ID4: variants seen among roughly 807,000 people sequenced by gnomAD.
ID4 encodes DNA-binding protein inhibitor ID-4.
Under a neutral mutation model 8.6 loss-of-function variants are expected in ID4, and 9 were observed. The observed-to-expected ratio is 1.04, with a 90% CI of 0.63 to 1.82. The LOEUF (loss-of-function observed/expected upper bound fraction) is 1.82, where lower values mean the gene tolerates loss of function less well. Among genes scored for constraint, ID4 ranks in the 40% most tolerant of loss-of-function variants. ID4 has a pLI of 0.00. For synonymous variants in ID4, 180 were observed against 118.0 expected, an observed-to-expected ratio of 1.53 and a Z score of -3.41; for missense variants, 270 against 235.1, an observed-to-expected ratio of 1.15 and a Z score of -0.97.
Position 19,838,112 on chromosome 6 carries a change from C to G in ID4, c.358C>G (p.Pro120Ala), listed in dbSNP as rs748478291. The change falls in exon 1 of 3, where the codon CCG (proline) becomes GCG (alanine). Residue 120 changes from proline (P) to alanine (A), a missense_variant. Transcript: ENST00000378700. ...CCCGGCCCTGCTGAGGCAGCCACCACCGCCCGCGCCGCCACACCACCCGGC... is the reference window on the plus strand; with the variant it reads ...CCCGGCCCTGCTGAGGCAGCCACCAGCGCCCGCGCCGCCACACCACCCGGC... ...THPALLRQPP[P>A]PAPPHHPAGT... The G allele has an allele frequency of 6.3e-7, 1 of 1,586,702 alleles. No homozygotes were observed. The highest frequency in any genetic ancestry group is 8.6e-7 in the Non-Finnish European group (1 of 1,167,910).
rs1417783490 is a variant in ID4, at chr6:19,841,247, GGTTT to G, written c.*2053_*2056del. On this transcript the variant is annotated 3_prime_UTR_variant, in exon 3 of 3. Transcript: ENST00000378700. ...GTCAAAGAACTGCTTGTTTAGATGA[GGTTT>G]ATTTTTATTTTTGATATTATTCATT... Among the ~76,000 whole-genome samples, 1 of 152,086 alleles carries G rather than the reference GGTTT, an allele frequency of 6.6e-6. No individual in the cohort carries two copies. The highest frequency in any genetic ancestry group is 2.4e-5 in the African/African-American group (1 of 41,410).
At chr6:19,838,300 C>T in intron 1 of ID4, 105 bp downstream of exon 1, 1 of 1,100,074 alleles carries the variant, frequency 9.1e-7, no homozygotes, top group Non-Finnish European at 1.2e-6. Context: ...AGGGGCGGGC[C>T]AGGAATGACA....
chr6:19,838,469 G>C (rs1326808204), intron 1 of ID4, 115 bp from the exon 2 acceptor site: 2 of 1,417,394 alleles, frequency 1.4e-6, no homozygotes, highest in Admixed American at 1.8e-5. Context: ...CCCGGCTACA[G>C]GCTGGGGTGG....
chr6:19,838,564 G>GTGTTCGGTTGC lies in ID4; in HGVS notation c.442-14_442-4dup, dbSNP rs1161715060. The stretch of plus-strand genomic sequence containing the variant: ...TTTGCGCCTGCTAACCTTTCCCTTG[G>GTGTTCGGTTGC]TGTTCGGTTGCTGTTCCAGGCCGGC... On this transcript the variant is annotated intron_variant, in intron 1 of 2. Transcript: ENST00000378700. 10 of 1,613,864 alleles carry GTGTTCGGTTGC rather than the reference G, an allele frequency of 6.2e-6. No individual in the cohort carries two copies. Among genetic ancestry groups the GTGTTCGGTTGC allele is most frequent in the Non-Finnish European group, 8.5e-6 (10 of 1,179,886 alleles).
rs141801413 is a variant in ID4 at position 19,837,972 on chromosome 6, G to C, written c.218G>C (p.Ser73Thr). 5.0e-6 allele frequency: 8 copies of C among 1,585,212 alleles called. No individual in the cohort carries two copies. Among genetic ancestry groups the C allele is most frequent in the Admixed American group, 1.8e-5 (1 of 56,452 alleles). The change falls in exon 1 of 3, where the codon AGC becomes ACC. Residue 73 changes from serine to threonine, a missense_variant. This residue lies in a region of ID4 where 160 missense variants were observed against 131.5 expected (regional missense o/e 1.22). Coordinates refer to ENST00000378700, the MANE Select transcript of ID4 (RefSeq NM_001546.4). ...CAGTGCGATATGAACGACTGCTATAGCCGCCTGCGGAGGCTGGTGCCCACC... is the reference window on the plus strand; with the variant it reads ...CAGTGCGATATGAACGACTGCTATACCCGCCTGCGGAGGCTGGTGCCCACC... ...CLQCDMNDCY[S>T]RLRRLVPTIP...
Position 19,837,854 on chromosome 6 carries a change from A to G in ID4, c.100A>G (p.Ser34Gly), listed in dbSNP as rs1349684726. Residue 34 changes from serine (S) to glycine (G), a missense_variant, in exon 1 of 3, where the codon AGC becomes GGC. Ser to Gly is a moderately conservative substitution (Grantham distance 56, BLOSUM62 0). Around this residue, in one of 3 missense-constraint regions of ID4, gnomAD observed 160 missense variants for 131.5 expected, o/e 1.22. Transcript: ENST00000378700. ...ALRCLAEHGH[S>G]LGGSAAAAAA... Reference sequence around the variant, plus strand: ...GCGCTGCCTGGCCGAGCACGGCCACAGCCTGGGTGGCTCCGCAGCCGCGGC... The same window carrying G: ...GCGCTGCCTGGCCGAGCACGGCCACGGCCTGGGTGGCTCCGCAGCCGCGGC... 1 of 1,223,010 alleles carries G rather than the reference A, an allele frequency of 8.2e-7. No homozygotes were observed. The highest frequency in any genetic ancestry group is 3.7e-5 in the East Asian group (1 of 26,928). The allele number at this position is 1,223,010 out of a possible 1,614,324, so 75.8% of individuals were successfully genotyped here. A position where few individuals can be genotyped will look rare whatever the true frequency, so the allele number is the denominator to read the frequency against.
At position 19,838,654 on chromosome 6, in the gene ID4, TTTCCCGTCTCGGGTG is replaced by T; in HGVS notation, c.*14+13_*14+27del. ...GCCGCGCTGTCCAGGTGAGCGCGCA[TTTCCCGTCTCGGGTG>T]GCCGGTCACCAGAGACGCCCGTCCC... On this transcript the variant is annotated intron_variant, in intron 2 of 2. Coordinates refer to ENST00000378700, the MANE Select transcript of ID4 (RefSeq NM_001546.4). The T allele has an allele frequency of 6.2e-7, 1 of 1,612,690 alleles. No individual in the cohort carries two copies. Among genetic ancestry groups the T allele is most frequent in the Non-Finnish European group, 8.5e-7 (1 of 1,179,104 alleles).
Position 19,838,464 on chromosome 6 carries a change from C to CTA in ID4, c.442-119_442-118dup, listed in dbSNP as rs1761279193. 6 of 1,378,996 alleles carry CTA rather than the reference C, an allele frequency of 4.4e-6. No homozygotes were observed. In the Admixed American group the frequency reaches 5.6e-5, roughly 13 times the overall value. The allele number at this position is 1,378,996 out of a possible 1,614,324, so 85.4% of individuals were successfully genotyped here. Reference sequence around the variant, plus strand: ...CCTGAGCCCGGAGGGGCCCCCCCGGCTACAGGCTGGGGTGGGGGCGTCGGC... The same window carrying CTA: ...CCTGAGCCCGGAGGGGCCCCCCCGGCTATACAGGCTGGGGTGGGGGCGTCGGC... On this transcript the variant is annotated intron_variant, in intron 1 of 2. Coordinates refer to ENST00000378700, the MANE Select transcript of ID4 (RefSeq NM_001546.4).
rs1158799626 is a variant in ID4 at position 19,837,673 on chromosome 6, G to A, written c.-82G>A. 11 of 985,136 alleles carry A rather than the reference G, an allele frequency of 1.1e-5. No individual in the cohort carries two copies. In the African/African-American group the frequency reaches 1.4e-4, roughly 13 times the overall value. The allele number at this position is 985,136 out of a possible 1,614,324, so 61.0% of individuals were successfully genotyped here. On this transcript the variant is annotated 5_prime_UTR_variant, in exon 1 of 3. Coordinates refer to ENST00000378700, the MANE Select transcript of ID4 (RefSeq NM_001546.4). The stretch of plus-strand genomic sequence containing the variant: ...GCGCGGAGGCAAAGGGAGCGGAGCC[G>A]GCCGCGGACGGGGCCCGGAGCTTGC...
rs564941466 is a variant in ID4, at chr6:19,839,248, AGGGAGG to A, written c.*58_*63del. On this transcript the variant is annotated 3_prime_UTR_variant, in exon 3 of 3. Transcript: ENST00000378700. ...TGAGCCCGAGCCAGGAGCACTAGAGAGGGAGGGGGAAGAGCAGAAGTTAGAGAAAAA... is the reference window on the plus strand; with the variant it reads ...TGAGCCCGAGCCAGGAGCACTAGAGAGGGAAGAGCAGAAGTTAGAGAAAAA... 5.4e-4 allele frequency: 82 copies of A among 152,264 alleles called. No homozygotes were observed. Among genetic ancestry groups the A allele is most frequent in the Non-Finnish European group, 4.3e-4 (29 of 68,066 alleles). The allele number at this position is 152,264 out of a possible 1,614,324, so 9.4% of individuals were successfully genotyped here.
At chr6:19,838,783 C>G in intron 2 of ID4, 141 bp downstream of exon 2, 3 of 670,822 alleles carry the variant, frequency 4.5e-6, no homozygotes, top group Non-Finnish European at 7.7e-6. Flanking sequence ...CCCTCTCTCC[C>G]TGCCACCTAA....
intron 1 of ID4, 123 bp from the exon 2 acceptor site, chr6:19,838,461 C>T (rs1048376307): frequency 1.2e-5 from 16 of 1,353,820 alleles, no homozygotes; most frequent in Middle Eastern, 1.8e-4. Flanking sequence ...GGGGCCCCCC[C>T]GGCTACAGGC....
rs1002166679 is a variant in ID4, at chr6:19,839,947, CTT to C, written c.*755_*756del. 1.3e-5 allele frequency: 2 copies of C among 151,876 alleles called. No homozygotes were observed. The highest frequency in any genetic ancestry group is 6.6e-5 in the Admixed American group (1 of 15,246). 9.4% of individuals were successfully genotyped at this position (151,876 alleles called of 1,614,324 possible). A position where few individuals can be genotyped will look rare whatever the true frequency, so the allele number is the denominator to read the frequency against. On this transcript the variant is annotated 3_prime_UTR_variant, in exon 3 of 3. Coordinates refer to ENST00000378700, the MANE Select transcript of ID4 (RefSeq NM_001546.4). ...TCTGTTTGGCCTGGCTCTTAATTTG[CTT>C]TTGTTTTGCCCAGTATAGACTCGGA...
At chr6:19,838,424 G>A in intron 1 of ID4, 160 bp from the exon 2 acceptor site, 8 of 536,262 alleles carry the variant, frequency 1.5e-5, no homozygotes, top group East Asian at 1.5e-4. Context: ...GGGCGCCCTG[G>A]GCTGTCAAGT....
rs1402361313 is a variant in ID4 at position 19,840,303 on chromosome 6, T to C, written c.*1108T>C. Reference sequence around the variant, plus strand: ...AAAGTGAAAAAAAATTGCTTATTACTCTTCATTTTACACTAAAGCTTAATG... The same window carrying C: ...AAAGTGAAAAAAAATTGCTTATTACCCTTCATTTTACACTAAAGCTTAATG... On this transcript the variant is annotated 3_prime_UTR_variant, in exon 3 of 3. Coordinates refer to ENST00000378700, the MANE Select transcript of ID4 (RefSeq NM_001546.4). 1 of 152,606 alleles carries C rather than the reference T, an allele frequency of 6.6e-6. No individual in the cohort carries two copies. The highest frequency in any genetic ancestry group is 1.5e-5 in the Non-Finnish European group (1 of 68,004). The allele number at this position is 152,606 out of a possible 1,614,324, so 9.5% of individuals were successfully genotyped here. A position where few individuals can be genotyped will look rare whatever the true frequency, so the allele number is the denominator to read the frequency against.
rs940555036 is a variant in ID4 at position 19,839,633 on chromosome 6, A to G, written c.*438A>G. The stretch of plus-strand genomic sequence containing the variant: ...TTGTAGATATTTTTTTTTTACATCT[A>G]TTGTTTAAAATAGATGATTATAACG... On this transcript the variant is annotated 3_prime_UTR_variant, in exon 3 of 3. Transcript: ENST00000378700. 1 of 152,386 alleles carries G rather than the reference A, an allele frequency of 6.6e-6. No individual in the cohort carries two copies. The highest frequency in any genetic ancestry group is 2.1e-4 in the South Asian group (1 of 4,820). The allele number at this position is 152,386 out of a possible 1,614,324, so 9.4% of individuals were successfully genotyped here. A position where few individuals can be genotyped will look rare whatever the true frequency, so the allele number is the denominator to read the frequency against.
At chr6:19,838,522 C>T (rs72552346) in intron 1 of ID4, 62 bp from the exon 2 acceptor site, 68 of 1,603,964 alleles carry the variant, frequency 4.2e-5, no homozygotes, top group Non-Finnish European at 5.5e-5. Flanking sequence ...CAATCCAGGA[C>T]CGTGTCGAGC....
chr6:19,838,773 C>G (rs374437301), intron 2 of ID4, 131 bp downstream of exon 2: 6 of 702,282 alleles, frequency 8.5e-6, no homozygotes, highest in East Asian at 2.7e-5. Context: ...GAAGTAAATC[C>G]CCTCTCTCCC....
In ID4 at chr6:19,837,453, G is replaced by C. The variant is rs953670955; in HGVS notation, c.-302G>C. 1.3e-4 allele frequency: 21 copies of C among 158,080 alleles called. No individual in the cohort carries two copies. The East Asian group carries it at 2.4e-3, about 18-fold the overall frequency. The allele number at this position is 158,080 out of a possible 1,614,324, so 9.8% of individuals were successfully genotyped here. A position where few individuals can be genotyped will look rare whatever the true frequency, so the allele number is the denominator to read the frequency against. ...CTAGGGGAGCGCGGCGGCCGCGATC[G>C]GGCTTAGTCGGAGCTCCGAAGGGAG... On this transcript the variant is annotated 5_prime_UTR_variant, in exon 1 of 3. Transcript: ENST00000378700.
Sources: allele counts gnomAD v4.1 joint callset (sites outside exome capture counted in the v4.1 genomes callset), GRCh38; gene constraint gnomAD v4.1.1; regional missense constraint gnomAD v4.1.1; transcripts MANE v1.5; gene names NCBI Gene and HGNC (gene_info 2026-07-23, HGNC 2026-07-21).